CFAP45: variants seen among roughly 807,000 people sequenced by gnomAD.
The protein encoded by CFAP45 is cilia- and flagella-associated protein 45.
CFAP45 carries 43 observed loss-of-function variants against 75.6 expected under a neutral mutation model. The observed-to-expected ratio is 0.57, with a 90% CI of 0.45 to 0.73. CFAP45 has a LOEUF of 0.73. CFAP45 is among the 30% of genes least tolerant of loss of function. The pLI is 0.00. For synonymous variants in CFAP45, 223 were observed against 244.6 expected, an observed-to-expected ratio of 0.91 and a Z score of 0.82; for missense variants, 689 against 701.5, an observed-to-expected ratio of 0.98 and a Z score of 0.20.
chr1:159,890,077 T>G (rs1649789583), intron 3 of CFAP45, among the ~76,000 whole-genome samples: 1 of 152,188 alleles, frequency 6.6e-6, no homozygotes, highest in Non-Finnish European at 1.5e-5. Flanking sequence ...ATTAGGCATC[T>G]GGTCAGTTTC....
rs774027444 is a variant in CFAP45 at position 159,900,125 on chromosome 1, G to T, written c.-27C>A. ...TCCTCAGCCACACGCCCTGACTCCGGACTTCTGCTGCCGCCTCGGCGCCGC... is the reference window on the plus strand; with the variant it reads ...TCCTCAGCCACACGCCCTGACTCCGTACTTCTGCTGCCGCCTCGGCGCCGC... On this transcript the variant is annotated 5_prime_UTR_variant, in exon 1 of 12. Transcript: ENST00000368099. The T allele has an allele frequency of 1.2e-5, 20 of 1,613,946 alleles. No individual in the cohort carries two copies. The highest frequency in any genetic ancestry group is 1.1e-4 in the South Asian group (10 of 91,066).
chr1:159,889,436 A>G (rs1557915133), intron 3 of CFAP45, among the ~76,000 whole-genome samples: 1 of 152,214 alleles, frequency 6.6e-6, no homozygotes, highest in Non-Finnish European at 1.5e-5. Context: ...GGAGATGGAC[A>G]GAATGAGTGA....
intron 10 of CFAP45, among the ~76,000 whole-genome samples, chr1:159,876,086 G>A (rs567182773): frequency 1.3e-5 from 2 of 152,266 alleles, no homozygotes; most frequent in African/African-American, 4.8e-5. Flanking sequence ...ACAGAGCCCT[G>A]CATTTCTGTG....
At chr1:159,888,534 G>A (rs1438088931) in intron 3 of CFAP45, 38 bp from the exon 4 acceptor site, 2 of 1,601,296 alleles carry the variant, frequency 1.2e-6, no homozygotes, top group Non-Finnish European at 1.7e-6. Context: ...AGGGGAGAGG[G>A]AAAGCTCTCA....
chr1:159,882,760 C>T (rs1280934290), intron 7 of CFAP45, among the ~76,000 whole-genome samples: 1 of 152,180 alleles, frequency 6.6e-6, no homozygotes, highest in African/African-American at 2.4e-5. Context: ...CACTAATTCC[C>T]ACTCCCCACA....
chr1:159,876,579 C>G lies in CFAP45; in HGVS notation c.1329G>C (p.Arg443=), dbSNP rs1350459883. ...HALAVQVQRD[R]DEFERILRAQ... ...ACCGAAGAATCCTCTCGAACTCATCCCGGTCCCGTTGCACCTGAACAGCCA... is the reference window on the plus strand; with the variant it reads ...ACCGAAGAATCCTCTCGAACTCATCGCGGTCCCGTTGCACCTGAACAGCCA... Residue 443 remains arginine (R), a synonymous_variant, in exon 10 of 12, where the codon CGG becomes CGC. Transcript: ENST00000368099. The G allele has an allele frequency of 1.2e-6, 2 of 1,613,950 alleles. No individual in the cohort carries two copies. Among genetic ancestry groups the G allele is most frequent in the African/African-American group, 2.7e-5 (2 of 74,920 alleles).
intron 3 of CFAP45, 76 bp downstream of exon 3, chr1:159,890,404 T>A: frequency 6.9e-7 from 1 of 1,442,346 alleles, no homozygotes; most frequent in Non-Finnish European, 9.7e-7. Context: ...CCAGGTGGGT[T>A]TACCCATCTC....
chr1:159,873,432 G>T, intron 10 of CFAP45: 1 of 532,020 alleles, frequency 1.9e-6, no homozygotes, highest in Non-Finnish European at 3.4e-6. Context: ...CCCCCAGCTT[G>T]GTTTGATGCT....
intron 8 of CFAP45, among the ~76,000 whole-genome samples, chr1:159,877,756 A>G (rs138176742): frequency 1.3e-5 from 2 of 152,260 alleles, no homozygotes; most frequent in Non-Finnish European, 2.9e-5. Flanking sequence ...ATGTGCCTAT[A>G]GTCCCAGCTA....
In CFAP45 at chr1:159,887,860, T is replaced by C; in HGVS notation, c.569A>G (p.Glu190Gly). ...ANKLRMEQEE[E>G]LKDMSKIILN... is the part of the protein sequence containing the mutation. ...GCCCACCTTGCTCATGTCCTTGAGC[T>C]CCTCCTCCTGCTCCATCCGCAGCTT... Residue 190 changes from glutamate to glycine, a missense_variant, in exon 5 of 12, where the codon GAG (glutamate) becomes GGG (glycine). By Grantham distance (98) the Glu-to-Gly change is moderately conservative. Transcript: ENST00000368099. 6.2e-7 allele frequency: 1 copy of C among 1,613,168 alleles called. No individual in the cohort carries two copies. The highest frequency in any genetic ancestry group is 8.5e-7 in the Non-Finnish European group (1 of 1,179,392).
intron 11 of CFAP45, 48 bp downstream of exon 11, chr1:159,872,896 C>CT (rs746058041): frequency 6.4e-7 from 1 of 1,569,848 alleles, no homozygotes; most frequent in East Asian, 2.2e-5. Context: ...GGTGCCATCT[C>CT]TTTGCGGGAG....
rs757380651 is a variant in CFAP45, at chr1:159,884,589, G to A, written c.768-24C>T. The A allele has an allele frequency of 3.7e-6, 6 of 1,608,098 alleles. No individual in the cohort carries two copies. The African/African-American group carries it at 8.0e-5, about 22-fold the overall frequency. ...CTCTTGGAGAGAACAGTGCCACAGTGTCTTAGAAACCCCGGGTCCACATCT... is the reference window on the plus strand; with the variant it reads ...CTCTTGGAGAGAACAGTGCCACAGTATCTTAGAAACCCCGGGTCCACATCT... On this transcript the variant is annotated intron_variant, in intron 6 of 11. Transcript: ENST00000368099.
At chr1:159,874,307 T>C (rs772641856) in intron 10 of CFAP45, among the ~76,000 whole-genome samples, 18 of 152,220 alleles carry the variant, frequency 1.2e-4, no homozygotes, top group Non-Finnish European at 2.5e-4. Context: ...CTGCTTCATT[T>C]CCTCATTTCC....
At chr1:159,878,469 T>C (rs1382173092) in intron 8 of CFAP45, among the ~76,000 whole-genome samples, 1 of 151,788 alleles carries the variant, frequency 6.6e-6, no homozygotes, top group East Asian at 1.9e-4. Context: ...TAAAGAATCT[T>C]CCCGGCCAGG....
rs1488035030 is a variant in CFAP45, at chr1:159,877,391, C to G, written c.1116G>C (p.Leu372Phe). 6.2e-7 allele frequency: 1 copy of G among 1,614,004 alleles called. No homozygotes were observed. Among genetic ancestry groups the G allele is most frequent in the East Asian group, 2.2e-5 (1 of 44,896 alleles). Residue 372 changes from leucine (L) to phenylalanine (F), a missense_variant, in exon 9 of 12, where the codon TTG becomes TTC. Coordinates refer to ENST00000368099, the MANE Select transcript of CFAP45 (RefSeq NM_012337.3). Reference protein sequence around the residue: ...RREKEKEIARLRAMQEKAQDY... With the variant: ...RREKEKEIARFRAMQEKAQDY... ...CCTGGGCCTTCTCCTGCATGGCCCTCAAGCGTGCGATCTCCTTCTCTTTCT... is the reference window on the plus strand; with the variant it reads ...CCTGGGCCTTCTCCTGCATGGCCCTGAAGCGTGCGATCTCCTTCTCTTTCT...
At chr1:159,883,129 A>T (rs1649587768) in intron 7 of CFAP45, among the ~76,000 whole-genome samples, 1 of 152,240 alleles carries the variant, frequency 6.6e-6, no homozygotes. Context: ...TTGACAATTC[A>T]TAAACACAGG....
intron 10 of CFAP45, among the ~76,000 whole-genome samples, chr1:159,874,203 A>T (rs1314539057): frequency 6.6e-6 from 1 of 152,214 alleles, no homozygotes; most frequent in Non-Finnish European, 1.5e-5. Context: ...AACATAATTT[A>T]AAAAATGAAA....
intron 9 of CFAP45, among the ~76,000 whole-genome samples, chr1:159,876,983 C>A (rs1309272305): frequency 4.6e-5 from 7 of 152,226 alleles, no homozygotes; most frequent in African/African-American, 1.7e-4. Flanking sequence ...CATCCCAGTT[C>A]TTTCCCTGTA....
At chr1:159,872,787 C>T (rs1348903299) in intron 11 of CFAP45, among the ~76,000 whole-genome samples, 157 bp downstream of exon 11, 1 of 152,200 alleles carries the variant, frequency 6.6e-6, no homozygotes. Context: ...CTGCTGGAGC[C>T]CCCTTCAGAG....
Sources: allele counts gnomAD v4.1 joint callset (sites outside exome capture counted in the v4.1 genomes callset), GRCh38; gene constraint gnomAD v4.1.1; transcripts MANE v1.5; gene names NCBI Gene and HGNC (gene_info 2026-07-23, HGNC 2026-07-21).